The following ADAMTS12 variants were observed in gnomAD, a reference collection of about 807,000 sequenced individuals.
The protein encoded by ADAMTS12 is A disintegrin and metalloproteinase with thrombospondin motifs 12.
ADAMTS12 carries 118 observed loss-of-function variants against 167.8 expected under a neutral mutation model. That is an observed-to-expected ratio of 0.70 (90% CI 0.61 to 0.82). ADAMTS12 has a LOEUF of 0.82. Ranked by LOEUF, ADAMTS12 falls within the 40% of genes least tolerant of loss-of-function variation. The probability of loss-of-function intolerance (pLI) is 0.00; values close to 1 mark genes in which losing one functional copy is unlikely to be tolerated. For missense variants in ADAMTS12, 1,916 were observed against 1,998.8 expected (o/e 0.96, Z 0.79); for synonymous variants, 704 against 716.9 (o/e 0.98, Z 0.29).
At position 33,549,842 on chromosome 5, in the gene ADAMTS12, C is replaced by T. The variant is rs73078356; in HGVS notation, c.4126-459G>A. On this transcript the variant is annotated intron_variant, in intron 20 of 23. Coordinates refer to ENST00000504830, the MANE Select transcript of ADAMTS12 (RefSeq NM_030955.4). ...GTGGGCATGGCTGCTAAGCCTTGTC[C>T]GTCTTTCCTTCAGAATACTGGTTTT... Among the ~76,000 whole-genome samples, 365 of 152,360 alleles carry T rather than the reference C, an allele frequency of 2.4e-3. 1 individual carries two copies. Among genetic ancestry groups the T allele is most frequent in the African/African-American group, 8.4e-3 (349 of 41,590 alleles).
intron 3 of ADAMTS12, among the ~76,000 whole-genome samples, chr5:33,712,730 A>G (rs1341061157): frequency 1.3e-5 from 2 of 152,166 alleles, no homozygotes; most frequent in African/African-American, 4.8e-5. Context: ...CTCTTCACCC[A>G]AACCTCACAA....
chr5:33,601,106 A>AGTGT (rs55841502), intron 16 of ADAMTS12, among the ~76,000 whole-genome samples: 29,723 of 145,654 alleles, frequency 0.2, 3,174 homozygotes, highest in South Asian at 0.31. Context: ...CACATTTAAG[A>AGTGT]GTGTGTGTGT....
intron 2 of ADAMTS12, among the ~76,000 whole-genome samples, chr5:33,825,161 A>C (rs1034452064): frequency 2.0e-5 from 3 of 152,206 alleles, no homozygotes; most frequent in African/African-American, 7.2e-5. Flanking sequence ...GCAAAGATCC[A>C]GTTTGCAAAA....
intron 3 of ADAMTS12, among the ~76,000 whole-genome samples, chr5:33,700,116 C>T (rs1317697688): frequency 2.0e-5 from 3 of 152,104 alleles, no homozygotes; most frequent in African/African-American, 7.2e-5. Context: ...AATAGTCTAC[C>T]CACTCTGTTT....
chr5:33,680,584 T>C (rs1742076453), intron 5 of ADAMTS12, among the ~76,000 whole-genome samples: 1 of 152,138 alleles, frequency 6.6e-6, no homozygotes, highest in African/African-American at 2.4e-5. Flanking sequence ...GCTCAACCAG[T>C]ATGAAAAAGT....
At chr5:33,699,612 G>A (rs1053297225) in intron 3 of ADAMTS12, among the ~76,000 whole-genome samples, 8 of 152,228 alleles carry the variant, frequency 5.3e-5, no homozygotes, top group Admixed American at 1.3e-4. Flanking sequence ...GTTTTGGATT[G>A]ATAAAAAGCT....
intron 3 of ADAMTS12, among the ~76,000 whole-genome samples, chr5:33,700,730 TGTC>T (rs1212842717): frequency 6.6e-6 from 1 of 152,224 alleles, no homozygotes; most frequent in Admixed American, 6.5e-5. Context: ...ATTGTATCAT[TGTC>T]AATATCTTGG....
At chr5:33,601,148 A>C (rs1156368265) in intron 16 of ADAMTS12, among the ~76,000 whole-genome samples, 1 of 144,352 alleles carries the variant, frequency 6.9e-6, no homozygotes, top group Non-Finnish European at 1.5e-5. Flanking sequence ...TGTGATCAAC[A>C]ATCACAACAT....
At chr5:33,884,649 C>T (rs952614406) in intron 1 of ADAMTS12, among the ~76,000 whole-genome samples, 1 of 152,226 alleles carries the variant, frequency 6.6e-6, no homozygotes, top group Non-Finnish European at 1.5e-5. Context: ...CTTTAAGCCT[C>T]TCCTCACGTG....
chr5:33,722,846 G>A (rs937382740), intron 3 of ADAMTS12, among the ~76,000 whole-genome samples: 6 of 152,238 alleles, frequency 3.9e-5, no homozygotes, highest in African/African-American at 1.2e-4. Flanking sequence ...GACCACTGTA[G>A]TCTAACTAAA....
intron 2 of ADAMTS12, among the ~76,000 whole-genome samples, chr5:33,808,258 A>C (rs1014289285): frequency 1.3e-5 from 2 of 152,188 alleles, no homozygotes; most frequent in African/African-American, 4.8e-5. Context: ...CCAGTTGCAG[A>C]GATGCCTTTG....
intron 2 of ADAMTS12, among the ~76,000 whole-genome samples, chr5:33,760,920 T>TGCGTGC (rs1745332924): frequency 2.1e-5 from 3 of 146,162 alleles, no homozygotes; most frequent in African/African-American, 7.6e-5. Context: ...TGTGTGTGTG[T>TGCGTGC]GCGTATGCGC....
intron 2 of ADAMTS12, among the ~76,000 whole-genome samples, chr5:33,832,363 G>A (rs1748333533): frequency 6.6e-6 from 1 of 151,822 alleles, no homozygotes; most frequent in Non-Finnish European, 1.5e-5. Context: ...TTTGCAATGA[G>A]AACAACCCAA....
chr5:33,678,868 G>C (rs28654376), intron 5 of ADAMTS12, among the ~76,000 whole-genome samples: 7,229 of 152,204 alleles, frequency 0.047, 343 homozygotes, highest in East Asian at 0.17. Flanking sequence ...GTATATACCA[G>C]TATAGTCCAG....
At chr5:33,775,796 C>A (rs1381820280) in intron 2 of ADAMTS12, among the ~76,000 whole-genome samples, 1 of 152,142 alleles carries the variant, frequency 6.6e-6, no homozygotes, top group African/African-American at 2.4e-5. Flanking sequence ...TGTGTTCCCC[C>A]AAATTCATAT....
chr5:33,888,366 G>C (rs1750715794), intron 1 of ADAMTS12, among the ~76,000 whole-genome samples: 1 of 152,000 alleles, frequency 6.6e-6, no homozygotes, highest in Non-Finnish European at 1.5e-5. Flanking sequence ...AACTGTGTTG[G>C]GCTCCTCAAA....
At chr5:33,635,570 G>T (rs1354410722) in intron 12 of ADAMTS12, among the ~76,000 whole-genome samples, 1 of 152,168 alleles carries the variant, frequency 6.6e-6, no homozygotes, top group African/African-American at 2.4e-5. Flanking sequence ...TTAGGAAAAA[G>T]CATATAAAGT....
chr5:33,757,730 A>G (rs1467418799), intron 2 of ADAMTS12, among the ~76,000 whole-genome samples: 1 of 152,220 alleles, frequency 6.6e-6, no homozygotes, highest in African/African-American at 2.4e-5. Context: ...GAGCTGTGTG[A>G]TCTTGGTCCC....
chr5:33,656,914 G>A lies in ADAMTS12; in HGVS notation c.1190+1270C>T, dbSNP rs1323050833. ...TTATTTAATGAAAGCAAGTCACTTA[G>A]CTTCTCTATCTCTGAATTTTTGATA... On this transcript the variant is annotated intron_variant, in intron 7 of 23. Coordinates refer to ENST00000504830, the MANE Select transcript of ADAMTS12 (RefSeq NM_030955.4). 3.9e-5 allele frequency among the ~76,000 whole-genome samples: 6 copies of A among 152,284 alleles called. No individual in the cohort carries two copies. In the East Asian group the frequency reaches 7.7e-4, roughly 20 times the overall value.
Sources: gnomAD v4.1 joint callset for allele counts (sites outside exome capture counted in the v4.1 genomes callset) on GRCh38, gnomAD v4.1.1 for gene constraint, MANE v1.5 for transcripts, NCBI Gene and HGNC (gene_info 2026-07-23, HGNC 2026-07-21) for gene names.